Variants in BCKDHB observed in about 807,000 individuals in gnomAD.
BCKDHB encodes branched chain keto acid dehydrogenase E1 subunit beta.
In BCKDHB, 41 loss-of-function variants were observed where a neutral mutation model predicts 48.5. The ratio of observed to expected loss-of-function variants is 0.85; its 90% CI spans 0.66 to 1.10. BCKDHB has a LOEUF of 1.10. Among genes scored for constraint, BCKDHB ranks in the 50% least tolerant of loss-of-function variants. The pLI, the probability that BCKDHB is intolerant of heterozygous loss-of-function variation, is 0.00. For missense variants in BCKDHB, 496 were observed against 494.2 expected, an observed-to-expected ratio of 1.00 and a Z score of -0.03; for synonymous variants, 201 against 174.8, an observed-to-expected ratio of 1.15 and a Z score of -1.18.
chr6:80,240,027 C>T (rs1776313770), intron 8 of BCKDHB, among the ~76,000 whole-genome samples: 1 of 152,152 alleles, frequency 6.6e-6, no homozygotes, highest in African/African-American at 2.4e-5. Context: ...AGTTTGAAGT[C>T]AGGTAGCATG....
the BCKDHB span, among the ~76,000 whole-genome samples, chr6:80,351,676 T>C: frequency 7.2e-6 from 1 of 138,860 alleles, no homozygotes; most frequent in Non-Finnish European, 1.5e-5. Context: ...AGGGTGTCAC[T>C]CTGTCACCCA....
chr6:80,179,466 T>G (rs1773313197), intron 6 of BCKDHB, among the ~76,000 whole-genome samples: 1 of 152,146 alleles, frequency 6.6e-6, no homozygotes, highest in Non-Finnish European at 1.5e-5. Flanking sequence ...TACATTGTAT[T>G]AGGCATTATA....
chr6:80,337,797 T>C (rs1467818677), intron 9 of BCKDHB, among the ~76,000 whole-genome samples: 2 of 152,182 alleles, frequency 1.3e-5, no homozygotes, highest in Non-Finnish European at 2.9e-5. Flanking sequence ...TGTTTCTCAT[T>C]GGTCCAAGGA....
chr6:80,398,519 G>T, the BCKDHB span, among the ~76,000 whole-genome samples: 10 of 152,010 alleles, frequency 6.6e-5, no homozygotes, highest in African/African-American at 2.4e-4. Flanking sequence ...TCCCAAGATG[G>T]AACCAGGAAG....
At chr6:80,416,017 G>T in the BCKDHB span, among the ~76,000 whole-genome samples, 9 of 151,396 alleles carry the variant, frequency 5.9e-5, no homozygotes, top group Admixed American at 1.3e-4. Flanking sequence ...TATTTCTTCA[G>T]GATTTTTTTT....
At chr6:80,248,850 C>T (rs974091364) in intron 8 of BCKDHB, among the ~76,000 whole-genome samples, 13 of 151,226 alleles carry the variant, frequency 8.6e-5, no homozygotes, top group African/African-American at 2.9e-4. Flanking sequence ...CCAGACTTGC[C>T]ATGTTTTTCT....
At chr6:80,132,922 G>A (rs888423751) in intron 3 of BCKDHB, among the ~76,000 whole-genome samples, 5 of 152,114 alleles carry the variant, frequency 3.3e-5, no homozygotes, top group Non-Finnish European at 7.4e-5. Flanking sequence ...TATAGGGCAG[G>A]AATTTTTAGC....
chr6:80,435,713 C>T, the BCKDHB span, among the ~76,000 whole-genome samples: 1 of 152,098 alleles, frequency 6.6e-6, no homozygotes, highest in Non-Finnish European at 1.5e-5. Context: ...TGAAGTGAAA[C>T]GTGTGTGAGT....
At chr6:80,137,809 C>T (rs1383629034) in intron 3 of BCKDHB, among the ~76,000 whole-genome samples, 1 of 151,890 alleles carries the variant, frequency 6.6e-6, no homozygotes, top group Non-Finnish European at 1.5e-5. Flanking sequence ...GCTGGCTGGG[C>T]ATGATGGCTT....
the BCKDHB span, among the ~76,000 whole-genome samples, chr6:80,403,830 A>G: frequency 6.6e-6 from 1 of 151,970 alleles, no homozygotes; most frequent in Admixed American, 6.6e-5. Flanking sequence ...ATATATTAAG[A>G]TAATCATATG....
intron 3 of BCKDHB, among the ~76,000 whole-genome samples, chr6:80,131,464 C>T (rs193194416): frequency 1.3e-5 from 2 of 152,110 alleles, no homozygotes; most frequent in Non-Finnish European, 2.9e-5. Flanking sequence ...AATCTGGCCC[C>T]TCCTTTCCAT....
At position 80,171,396 on chromosome 6, in the gene BCKDHB, G is replaced by C. The variant is rs1321918614; in HGVS notation, c.742+6G>C. ...AATACTTTACAGGGCAGCAGGTAAA[G>C]ATTTTCTTTATTTTATATTTGTGAA... On this transcript the variant is annotated splice_donor_region_variant and intron_variant, in intron 6 of 9. Transcript: ENST00000320393. 1.3e-6 allele frequency: 2 copies of C among 1,542,478 alleles called. No individual in the cohort carries two copies. Among genetic ancestry groups the C allele is most frequent in the African/African-American group, 1.4e-5 (1 of 73,308 alleles).
chr6:80,307,990 C>G (rs1767963016), intron 9 of BCKDHB: 1 of 887,380 alleles, frequency 1.1e-6, no homozygotes, highest in African/African-American at 1.8e-5. Flanking sequence ...GCAAAGAATT[C>G]TACAATCACA....
chr6:80,299,940 G>A (rs887765169), intron 9 of BCKDHB, among the ~76,000 whole-genome samples: 5 of 152,090 alleles, frequency 3.3e-5, no homozygotes, highest in Admixed American at 2.0e-4. Context: ...GAAAGCATCT[G>A]TTGTCTTCAG....
chr6:80,198,231 T>A (rs1044361854), intron 6 of BCKDHB, among the ~76,000 whole-genome samples: 2 of 152,154 alleles, frequency 1.3e-5, no homozygotes, highest in African/African-American at 2.4e-5. Flanking sequence ...AAATGCTGTT[T>A]ACAAAAAAAT....
the BCKDHB span, among the ~76,000 whole-genome samples, chr6:80,446,538 T>C: frequency 6.6e-6 from 1 of 152,220 alleles, no homozygotes; most frequent in African/African-American, 2.4e-5. Flanking sequence ...AACTCGGTAA[T>C]GAGGGGCAGC....
chr6:80,175,941 G>A (rs1773130648), intron 6 of BCKDHB, among the ~76,000 whole-genome samples: 1 of 152,124 alleles, frequency 6.6e-6, no homozygotes, highest in African/African-American at 2.4e-5. Flanking sequence ...AAATAAAGTA[G>A]GGGGGAACAA....
At chr6:80,121,114 T>C (rs532464216) in intron 1 of BCKDHB, among the ~76,000 whole-genome samples, 2 of 152,238 alleles carry the variant, frequency 1.3e-5, no homozygotes, top group Non-Finnish European at 2.9e-5. Flanking sequence ...ATTTATTAAA[T>C]AGGGAATCCT....
At chr6:80,158,353 G>A (rs1430157439) in intron 3 of BCKDHB, among the ~76,000 whole-genome samples, 1 of 152,144 alleles carries the variant, frequency 6.6e-6, no homozygotes, top group African/African-American at 2.4e-5. Flanking sequence ...GCCTTGGAGT[G>A]TTCAGAATAA....
Sources: allele counts gnomAD v4.1 joint callset (sites outside exome capture counted in the v4.1 genomes callset), GRCh38; gene constraint gnomAD v4.1.1; transcripts MANE v1.5; gene names NCBI Gene and HGNC (gene_info 2026-07-23, HGNC 2026-07-21).